Variants in SGCD observed in about 807,000 individuals in gnomAD.
SGCD encodes sarcoglycan delta.
A neutral mutation model predicts 36.6 loss-of-function variants in SGCD; 18 were observed. The ratio of observed to expected loss-of-function variants is 0.49; its 90% confidence interval spans 0.34 to 0.73. The LOEUF (loss-of-function observed/expected upper bound fraction) is 0.73. Among genes scored for constraint, SGCD ranks in the 30% least tolerant of loss-of-function variants. SGCD has a pLI of 0.01. For synonymous variants in SGCD, 133 were observed against 130.6 expected (o/e 1.02, Z -0.12); for missense variants, 387 against 346.7 (o/e 1.12, Z -0.92).
the SGCD span, among the ~76,000 whole-genome samples, chr5:155,781,656 A>G: frequency 6.6e-6 from 1 of 152,004 alleles, no homozygotes; most frequent in East Asian, 1.9e-4. Context: ...TTTTTTGTAG[A>G]GACGGGGTTT....
At chr5:156,634,479 A>G (rs753986838) in intron 6 of SGCD, among the ~76,000 whole-genome samples, 1 of 151,724 alleles carries the variant, frequency 6.6e-6, no homozygotes, top group Non-Finnish European at 1.5e-5. Flanking sequence ...AACAACAACA[A>G]CAAACCTCAG....
chr5:156,163,486 G>T (rs1763133689), intron 3 of SGCD, among the ~76,000 whole-genome samples: 1 of 151,672 alleles, frequency 6.6e-6, no homozygotes, highest in Non-Finnish European at 1.5e-5. Flanking sequence ...TCAGTCCTCA[G>T]CTGTGCTTAC....
chr5:156,099,708 C>CTATTAA (rs1428422402), intron 1 of SGCD, among the ~76,000 whole-genome samples: 1 of 152,134 alleles, frequency 6.6e-6, no homozygotes, highest in Non-Finnish European at 1.5e-5. Context: ...AGCCACTGTG[C>CTATTAA]TCGGCCTATT....
intron 3 of SGCD, among the ~76,000 whole-genome samples, chr5:156,213,063 T>A (rs1210344970): frequency 2.0e-5 from 3 of 151,816 alleles, no homozygotes; most frequent in Admixed American, 6.6e-5. Flanking sequence ...TGTTCTCAAA[T>A]AAACAACCTA....
intron 1 of SGCD, among the ~76,000 whole-genome samples, chr5:155,887,653 C>T (rs754534418): frequency 5.3e-5 from 8 of 152,272 alleles, no homozygotes; most frequent in African/African-American, 9.6e-5. Context: ...ACATTTTGTA[C>T]GTGAACCTCT....
rs555483842 is a variant in SGCD at position 156,492,309 on chromosome 5, T to C, written c.193-16292T>C. ...ATGTGTATGTGTGTGTATGGATTTTTATCATAAGGAATTGGCTCATGTGGT... is the reference window on the plus strand; with the variant it reads ...ATGTGTATGTGTGTGTATGGATTTTCATCATAAGGAATTGGCTCATGTGGT... On this transcript the variant is annotated intron_variant, in intron 3 of 8. Transcript: ENST00000337851. 4.6e-5 allele frequency among the ~76,000 whole-genome samples: 7 copies of C among 152,278 alleles called. No homozygotes were observed. In the East Asian group the frequency reaches 1.4e-3, roughly 29 times the overall value.
At chr5:156,510,804 T>C (rs549254976) in intron 4 of SGCD, among the ~76,000 whole-genome samples, 1 of 152,304 alleles carries the variant, frequency 6.6e-6, no homozygotes, top group South Asian at 2.1e-4. Flanking sequence ...ACAGTTGATA[T>C]GTGTTGAGTA....
intron 4 of SGCD, among the ~76,000 whole-genome samples, chr5:156,516,993 A>G (rs528436546): frequency 2.1e-4 from 32 of 152,270 alleles, no homozygotes; most frequent in African/African-American, 5.8e-4. Flanking sequence ...GTGAGGCTAC[A>G]TCTCAAAAAA....
chr5:156,341,803 C>T (rs576787398), intron 2 of SGCD, among the ~76,000 whole-genome samples: 11 of 152,288 alleles, frequency 7.2e-5, no homozygotes, highest in Middle Eastern at 3.4e-3. Flanking sequence ...CTCCGCCTCC[C>T]GGGTTCAAGC....
At chr5:155,926,579 C>G (rs546683912) in intron 1 of SGCD, among the ~76,000 whole-genome samples, 48 of 152,192 alleles carry the variant, frequency 3.2e-4, no homozygotes, top group African/African-American at 1.1e-3. Context: ...TCCAATAATT[C>G]CTTTTGCTAA....
At chr5:155,749,010 G>T in the SGCD span, among the ~76,000 whole-genome samples, 36,406 of 152,088 alleles carry the variant, frequency 0.24, 4,549 homozygotes, top group South Asian at 0.42. Context: ...GACAACTGTG[G>T]TTTATTAGAA....
rs967850550 is a variant in SGCD at position 156,761,356 on chromosome 5, G to A, written c.*1966G>A. On this transcript the variant is annotated 3_prime_UTR_variant, in exon 9 of 9. Transcript: ENST00000337851. ...TCAATATCTCATGCAGAAGAGTTGGGCTGGTCACTCTTAGGGGTGAGACCC... is the reference window on the plus strand; with the variant it reads ...TCAATATCTCATGCAGAAGAGTTGGACTGGTCACTCTTAGGGGTGAGACCC... 6.6e-6 allele frequency: 1 copy of A among 152,222 alleles called. No individual in the cohort carries two copies. Among genetic ancestry groups the A allele is most frequent in the South Asian group, 2.1e-4 (1 of 4,830 alleles). The allele number at this position is 152,222 out of a possible 1,614,324, so 9.4% of individuals were successfully genotyped here.
intron 3 of SGCD, among the ~76,000 whole-genome samples, chr5:156,463,786 G>A (rs960264396): frequency 1.6e-4 from 25 of 152,204 alleles, no homozygotes; most frequent in Middle Eastern, 3.4e-3. Context: ...CTTTAGCTCA[G>A]GAGTTCTAGA....
At chr5:155,984,802 G>C (rs1344206586) in intron 1 of SGCD, among the ~76,000 whole-genome samples, 1 of 152,190 alleles carries the variant, frequency 6.6e-6, no homozygotes, top group Non-Finnish European at 1.5e-5. Context: ...GACCCTCTTA[G>C]TGCCAGGTGC....
At chr5:156,185,256 C>T (rs921487288) in intron 3 of SGCD, among the ~76,000 whole-genome samples, 7 of 146,654 alleles carry the variant, frequency 4.8e-5, no homozygotes, top group Non-Finnish European at 1.0e-4. Context: ...GCTCTGTTGC[C>T]CAGGCTGGAG....
At chr5:156,005,602 C>T (rs1395433201) in intron 1 of SGCD, among the ~76,000 whole-genome samples, 2 of 152,108 alleles carry the variant, frequency 1.3e-5, no homozygotes, top group Non-Finnish European at 2.9e-5. Flanking sequence ...AGGCGCCTGC[C>T]GCCGCACCTG....
At chr5:156,133,770 T>A (rs1289981194) in intron 3 of SGCD, among the ~76,000 whole-genome samples, 1 of 152,202 alleles carries the variant, frequency 6.6e-6, no homozygotes, top group Non-Finnish European at 1.5e-5. Flanking sequence ...AAAAGATCTG[T>A]GTTTTTCCCC....
At chr5:156,379,758 G>A (rs149551404) in intron 3 of SGCD, among the ~76,000 whole-genome samples, 1 of 152,064 alleles carries the variant, frequency 6.6e-6, no homozygotes, top group Non-Finnish European at 1.5e-5. Flanking sequence ...AAGTAGAGAG[G>A]GTAGTATTTT....
intron 3 of SGCD, among the ~76,000 whole-genome samples, chr5:156,444,988 A>T (rs949354544): frequency 2.0e-5 from 3 of 152,170 alleles, no homozygotes; most frequent in African/African-American, 7.2e-5. Context: ...TAACTAGGTT[A>T]CTGCTTTATC....
Sources: gnomAD v4.1 joint callset for allele counts (sites outside exome capture counted in the v4.1 genomes callset) on GRCh38, gnomAD v4.1.1 for gene constraint, MANE v1.5 for transcripts, NCBI Gene and HGNC (gene_info 2026-07-23, HGNC 2026-07-21) for gene names.